Variants in WDFY3 observed in about 807,000 individuals in gnomAD.
WDFY3 encodes WD repeat and FYVE domain containing 3.
WDFY3 carries 66 observed loss-of-function variants against 409.6 expected under a neutral mutation model. The observed-to-expected ratio is 0.16, with a 90% CI of 0.13 to 0.20. WDFY3 has a LOEUF of 0.20. Among genes scored for constraint, WDFY3 ranks in the 10% least tolerant of loss-of-function variants. The pLI is 1.00. For synonymous variants in WDFY3, 1,521 were observed against 1,537.1 expected, an observed-to-expected ratio of 0.99 and a Z score of 0.25; for missense variants, 3,031 against 4,298.1, an observed-to-expected ratio of 0.71 and a Z score of 8.24.
chr4:84,913,866 C>A (rs1768108701), intron 2 of WDFY3, among the ~76,000 whole-genome samples: 1 of 152,070 alleles, frequency 6.6e-6, no homozygotes, highest in South Asian at 2.1e-4. Flanking sequence ...CCTCCTCCAC[C>A]TCTTCTGCTT....
intron 3 of WDFY3, among the ~76,000 whole-genome samples, chr4:84,871,151 A>C (rs2150313380): frequency 6.6e-6 from 1 of 152,302 alleles, no homozygotes; most frequent in South Asian, 2.1e-4. Flanking sequence ...AAATACCTAA[A>C]AGACTACATG....
intron 3 of WDFY3, among the ~76,000 whole-genome samples, chr4:84,865,141 G>A (rs923981423): frequency 6.6e-6 from 1 of 151,952 alleles, no homozygotes; most frequent in Non-Finnish European, 1.5e-5. Context: ...TGCCTGCCTC[G>A]GCCTCCCAAA....
At chr4:84,709,594 T>A (rs914108003) in intron 51 of WDFY3, among the ~76,000 whole-genome samples, 10 of 152,142 alleles carry the variant, frequency 6.6e-5, no homozygotes, top group African/African-American at 2.4e-4. Context: ...AGTATTGTTT[T>A]GTGAATTTTG....
chr4:84,872,076 G>C (rs1277967640), intron 3 of WDFY3, among the ~76,000 whole-genome samples: 3 of 152,140 alleles, frequency 2.0e-5, no homozygotes, highest in Admixed American at 1.3e-4. Flanking sequence ...TAATGCTATT[G>C]CAAGAAACCT....
At chr4:84,847,820 A>C (rs1205773059) in intron 5 of WDFY3, among the ~76,000 whole-genome samples, 12 of 149,902 alleles carry the variant, frequency 8.0e-5, no homozygotes, top group Non-Finnish European at 7.4e-5. Flanking sequence ...AACAAAAAAA[A>C]CCCCAGAAAG....
At chr4:84,692,372 C>T (rs1260751093) in intron 59 of WDFY3, among the ~76,000 whole-genome samples, 1 of 151,466 alleles carries the variant, frequency 6.6e-6, no homozygotes, top group Non-Finnish European at 1.5e-5. Flanking sequence ...TATTTTTAAG[C>T]GACAACTTCA....
intron 1 of WDFY3, among the ~76,000 whole-genome samples, chr4:84,941,503 T>C (rs745334483): frequency 3.3e-5 from 5 of 151,996 alleles, no homozygotes; most frequent in Admixed American, 6.6e-5. Context: ...GAGATAATCA[T>C]TGATAACAAT....
At position 84,837,048 on chromosome 4, in the gene WDFY3, G is replaced by A. The variant is rs761431253; in HGVS notation, c.457C>T (p.Leu153=). ...AAAAACAGATATAAACATTTAACCA[G>A]GGTGGAAGGCACTGACATTGTTGTC... ...CMTTMSVPST[L]VKCLYLFFDL... is the part of the protein sequence containing the mutation. The change falls in exon 7 of 68, where the codon CTG becomes TTG. Residue 153 remains leucine, a synonymous_variant. Transcript: ENST00000295888. 1.9e-6 allele frequency: 3 copies of A among 1,587,672 alleles called. No homozygotes were observed. Among genetic ancestry groups the A allele is most frequent in the South Asian group, 2.4e-5 (2 of 85,080 alleles).
intron 25 of WDFY3, among the ~76,000 whole-genome samples, chr4:84,780,862 G>A (rs868532157): frequency 4.6e-5 from 7 of 152,130 alleles, no homozygotes; most frequent in Admixed American, 1.3e-4. Flanking sequence ...GTGTAGAGGA[G>A]TGAGCAGAGA....
chr4:84,842,099 G>T (rs1757441089), intron 5 of WDFY3, among the ~76,000 whole-genome samples: 1 of 152,120 alleles, frequency 6.6e-6, no homozygotes, highest in African/African-American at 2.4e-5. Flanking sequence ...AAATGGAGAA[G>T]TCTCTAAATC....
intron 51 of WDFY3, 74 bp from the exon 52 acceptor site, chr4:84,709,421 T>C: frequency 1.5e-6 from 2 of 1,376,654 alleles, no homozygotes; most frequent in Non-Finnish European, 2.0e-6. Context: ...AGTTGAAAAA[T>C]TTAAGTCACC....
At chr4:84,738,646 T>G (rs1737879001) in intron 40 of WDFY3, among the ~76,000 whole-genome samples, 1 of 149,596 alleles carries the variant, frequency 6.7e-6, no homozygotes, top group African/African-American at 2.5e-5. Flanking sequence ...GAATAAAAAA[T>G]AGCACTATTG....
intron 65 of WDFY3, 108 bp downstream of exon 65, chr4:84,678,811 G>T (rs991211306): frequency 1.6e-6 from 2 of 1,251,222 alleles, no homozygotes; most frequent in Admixed American, 2.3e-5. Context: ...CCAGCTCACG[G>T]GGCACATCCA....
At chr4:84,901,754 GA>G (rs1766370127) in intron 2 of WDFY3, among the ~76,000 whole-genome samples, 1 of 152,144 alleles carries the variant, frequency 6.6e-6, no homozygotes, top group Non-Finnish European at 1.5e-5. Context: ...GATGAGATCC[GA>G]AAGTGTTGTC....
intron 36 of WDFY3, among the ~76,000 whole-genome samples, chr4:84,744,016 C>T (rs1738899140): frequency 6.7e-6 from 1 of 150,108 alleles, no homozygotes; most frequent in Admixed American, 6.6e-5. Flanking sequence ...GGTGAAACAT[C>T]ATCTTCTTTT....
At chr4:84,850,175 G>C in intron 4 of WDFY3, 150 bp from the exon 5 acceptor site, 1 of 747,308 alleles carries the variant, frequency 1.3e-6, no homozygotes, top group Non-Finnish European at 2.0e-6. Context: ...AAAATACAAC[G>C]CTTTCAATAA....
chr4:84,841,681 C>G (rs990417296), intron 5 of WDFY3, among the ~76,000 whole-genome samples: 3 of 152,168 alleles, frequency 2.0e-5, no homozygotes, highest in African/African-American at 7.2e-5. Flanking sequence ...TGTGATAACA[C>G]TTTCTTAACA....
rs192639689 is a variant in WDFY3 at position 84,821,347 on chromosome 4, T to C, written c.1328A>G (p.Lys443Arg). 4.6e-5 allele frequency: 74 copies of C among 1,613,880 alleles called. No homozygotes were observed. In the Admixed American group the frequency reaches 4.8e-4, roughly 11 times the overall value. ...AACAAACTCCAGCATCTCAAAGTATTTGTTTTGTACTTCTGGGAGTTTAGA... is the reference window on the plus strand; with the variant it reads ...AACAAACTCCAGCATCTCAAAGTATCTGTTTTGTACTTCTGGGAGTTTAGA... Reference protein sequence around the residue: ...KISKLPEVQNKYFEMLEFVVF... With the variant: ...KISKLPEVQNRYFEMLEFVVF... The change falls in exon 11 of 68, where the codon AAA (lysine) becomes AGA (arginine). Residue 443 changes from lysine (K) to arginine (R), a missense_variant. Transcript: ENST00000295888.
At chr4:84,859,533 A>T (rs1016003933) in intron 4 of WDFY3, among the ~76,000 whole-genome samples, 4 of 152,234 alleles carry the variant, frequency 2.6e-5, no homozygotes, top group African/African-American at 9.6e-5. Context: ...CTGACTTTTT[A>T]AAATGATGTA....
Sources: allele counts gnomAD v4.1 joint callset (sites outside exome capture counted in the v4.1 genomes callset), GRCh38; gene constraint gnomAD v4.1.1; transcripts MANE v1.5; gene names NCBI Gene and HGNC (gene_info 2026-07-23, HGNC 2026-07-21).